Variants in CACNA1A observed in about 807,000 individuals in gnomAD.
The protein encoded by CACNA1A is calcium voltage-gated channel subunit alpha1 A.
A neutral mutation model predicts 262.4 loss-of-function variants in CACNA1A; 57 were observed. That is an observed-to-expected ratio of 0.22 (90% CI 0.18 to 0.27). The LOEUF (loss-of-function observed/expected upper bound fraction) is 0.27. Among genes scored for constraint, CACNA1A ranks in the 10% least tolerant of loss-of-function variants. The probability of loss-of-function intolerance (pLI) is 1.00; values close to 1 mark genes in which losing one functional copy is unlikely to be tolerated. For synonymous variants in CACNA1A, 1,431 were observed against 1,419.3 expected, an observed-to-expected ratio of 1.01 and a Z score of -0.18; for missense variants, 2,526 against 3,562.8, an observed-to-expected ratio of 0.71 and a Z score of 7.41.
rs1395625914 is a variant in CACNA1A, at chr19:13,297,631, T to C, written c.3089+913A>G. Among the ~76,000 whole-genome samples, 10 of 152,066 alleles carry C rather than the reference T, an allele frequency of 6.6e-5. No individual in the cohort carries two copies. The South Asian group carries it at 2.1e-3, about 31-fold the overall frequency. ...TTTGAGACCAGCCTGGGAAACACAG[T>C]GAAACCCTGTCTCTACAAAACACTG... On this transcript the variant is annotated intron_variant, in intron 19 of 46. Coordinates refer to ENST00000360228, the MANE Select transcript of CACNA1A (RefSeq NM_001127222.2).
Position 13,207,573 on chromosome 19 carries a change from G to C in CACNA1A, c.7261C>G (p.Pro2421Ala), listed in dbSNP as rs544924244. The change falls in exon 47 of 47, where the codon CCG becomes GCG. Residue 2421 changes from proline to alanine, a missense_variant. By Grantham distance (27) the Pro-to-Ala change is conservative. Coordinates refer to ENST00000360228, the MANE Select transcript of CACNA1A (RefSeq NM_001127222.2). This position sits in a 1 kb window ranked among gnomAD's most constrained non-coding sequence, Gnocchi z 5.7. ...GCCTCCTCGCCGCCCCCGCTGCCCG[G>C]GCCATCGGCCTCGTCGTAGTCGGAG... ...RGSDYDEADG[P>A]GSGGGEEAMA... 1,068 of 1,475,434 alleles carry C rather than the reference G, an allele frequency of 7.2e-4. 8 individuals are homozygous for C. The highest frequency in any genetic ancestry group is 2.6e-4 in the Non-Finnish European group (289 of 1,113,306). The allele number at this position is 1,475,434 out of a possible 1,614,324, so 91.4% of individuals were successfully genotyped here.
intron 2 of CACNA1A, among the ~76,000 whole-genome samples, chr19:13,453,514 G>A (rs1016652115): frequency 2.0e-5 from 3 of 152,186 alleles, no homozygotes; most frequent in African/African-American, 2.4e-5. Context: ...GGTATTTGAG[G>A]CTAGAGCTTG....
At chr19:13,286,387 A>C in intron 20 of CACNA1A, 116 bp downstream of exon 20, 1 of 491,974 alleles carries the variant, frequency 2.0e-6, no homozygotes, top group Non-Finnish European at 3.6e-6. Context: ...CCCATTTTCC[A>C]GGGGAGGAGA....
At chr19:13,209,704 G>A (rs2054731228) in intron 44 of CACNA1A, among the ~76,000 whole-genome samples, 1 of 152,192 alleles carries the variant, frequency 6.6e-6, no homozygotes, top group Non-Finnish European at 1.5e-5. Context: ...TGAGGGTGGA[G>A]CCTGAGGATT....
intron 1 of CACNA1A, among the ~76,000 whole-genome samples, chr19:13,456,134 A>C (rs1188826845): frequency 6.6e-6 from 1 of 151,944 alleles, no homozygotes; most frequent in Non-Finnish European, 1.5e-5. Flanking sequence ...TGGGCAACAG[A>C]GCAAGACTCC....
intron 19 of CACNA1A, among the ~76,000 whole-genome samples, chr19:13,293,860 C>G (rs934070443): frequency 2.6e-5 from 4 of 151,938 alleles, no homozygotes; most frequent in Non-Finnish European, 5.9e-5. Flanking sequence ...GAAAGTCACA[C>G]AGCCTGGAAG....
Position 13,286,833 on chromosome 19 carries a change from T to G in CACNA1A, c.3223A>C (p.Thr1075Pro). 1 of 1,613,602 alleles carries G rather than the reference T, an allele frequency of 6.2e-7. No individual in the cohort carries two copies. Among genetic ancestry groups the G allele is most frequent in the Non-Finnish European group, 8.5e-7 (1 of 1,179,816 alleles). The change falls in exon 20 of 47, where the codon ACC becomes CCC. Residue 1075 changes from threonine to proline, a missense_variant. Transcript: ENST00000360228. The part of the protein sequence containing the change: ...IDNMKNNKLA[T>P]AESAAPHGSL... ...CCGTGGGGAGCGGCCGACTCCGCGG[T>G]GGCCAGCTTGTTGTTCTTCATGTTG... is the stretch of plus-strand genomic sequence containing the variant.
At chr19:13,483,572 C>T (rs909701273) in intron 1 of CACNA1A, among the ~76,000 whole-genome samples, 3 of 152,104 alleles carry the variant, frequency 2.0e-5, no homozygotes, top group Admixed American at 6.6e-5. Context: ...GCTGAAAATT[C>T]CGGGAAGATA....
chr19:13,381,318 G>A (rs4456631), intron 3 of CACNA1A, among the ~76,000 whole-genome samples: 34,221 of 151,866 alleles, frequency 0.23, 4,813 homozygotes, highest in Non-Finnish European at 0.32. Flanking sequence ...AGGACCACTT[G>A]AGTTTGGGAT....
At chr19:13,401,593 T>G (rs548193763) in intron 3 of CACNA1A, among the ~76,000 whole-genome samples, 136 of 152,186 alleles carry the variant, frequency 8.9e-4, no homozygotes, top group African/African-American at 3.1e-3. Flanking sequence ...ATGACTAAAT[T>G]CCACCCAATA....
chr19:13,301,806 T>C (rs1166820120), intron 17 of CACNA1A, among the ~76,000 whole-genome samples: 1 of 152,186 alleles, frequency 6.6e-6, no homozygotes, highest in East Asian at 1.9e-4. Context: ...CTTACCACCT[T>C]GGAAATGGTC....
At chr19:13,438,354 A>G (rs909979344) in intron 3 of CACNA1A, among the ~76,000 whole-genome samples, 1 of 152,242 alleles carries the variant, frequency 6.6e-6, no homozygotes, top group African/African-American at 2.4e-5. Context: ...ACAGTGGCCA[A>G]CACGATGTTG....
intron 38 of CACNA1A, among the ~76,000 whole-genome samples, chr19:13,217,624 T>C (rs2055063599): frequency 6.6e-6 from 1 of 152,068 alleles, no homozygotes; most frequent in South Asian, 2.1e-4. Context: ...TGGGGGATCA[T>C]TGTCTTCAGG....
chr19:13,438,830 AAGAC>A (rs1314817130), intron 3 of CACNA1A, among the ~76,000 whole-genome samples: 2 of 152,242 alleles, frequency 1.3e-5, no homozygotes, highest in African/African-American at 2.4e-5. Context: ...GAGTTACACT[AAGAC>A]AGAGTTTTAA....
intron 40 of CACNA1A, chr19:13,213,671 A>AATTTT (rs1568425094): frequency 1.4e-5 from 1 of 72,192 alleles, no homozygotes; most frequent in African/African-American, 5.6e-5. Flanking sequence ...CTTGGCAAGA[A>AATTTT]CTTTTTTTTT....
intron 38 of CACNA1A, among the ~76,000 whole-genome samples, chr19:13,217,951 T>C (rs8106794): frequency 1.0e-5 from 1 of 97,868 alleles, no homozygotes; most frequent in Non-Finnish European, 2.0e-5. Context: ...TTTTTTTTTT[T>C]AAAAAAAAGA....
chr19:13,330,799 C>T (rs2058454291), intron 9 of CACNA1A, among the ~76,000 whole-genome samples: 1 of 152,174 alleles, frequency 6.6e-6, no homozygotes, highest in African/African-American at 2.4e-5. Flanking sequence ...CCATGTTGGC[C>T]AGGCTGGTCA....
chr19:13,309,508 C>T (rs1023600794), intron 12 of CACNA1A, among the ~76,000 whole-genome samples: 1 of 147,574 alleles, frequency 6.8e-6, no homozygotes, highest in African/African-American at 2.5e-5. Flanking sequence ...GCCTGGGTAA[C>T]ACAGGGAAAC....
At chr19:13,306,103 C>A (rs915144415) in intron 15 of CACNA1A, among the ~76,000 whole-genome samples, 13 of 151,974 alleles carry the variant, frequency 8.6e-5, no homozygotes, top group Middle Eastern at 3.4e-3. Context: ...CAGAACTTCC[C>A]TTCATGGAAG....
Sources: gnomAD v4.1 joint callset for allele counts (sites outside exome capture counted in the v4.1 genomes callset) on GRCh38, gnomAD v4.1.1 for gene constraint, Gnocchi (gnomAD v3.1) non-coding constraint, MANE v1.5 for transcripts, NCBI Gene and HGNC (gene_info 2026-07-23, HGNC 2026-07-21) for gene names.